LPCAT1: variants seen among roughly 807,000 people sequenced by gnomAD.
LPCAT1 encodes lysophosphatidylcholine acyltransferase 1.
In LPCAT1, 23 loss-of-function variants were observed where a neutral mutation model predicts 60.9. That is an observed-to-expected ratio of 0.38 (90% CI 0.27 to 0.53). The LOEUF (loss-of-function observed/expected upper bound fraction) is 0.53. Ranked by LOEUF, LPCAT1 falls within the 20% of genes least tolerant of loss-of-function variation. The pLI is 0.82. For missense variants in LPCAT1, 622 were observed against 723.6 expected (o/e 0.86, Z 1.61); for synonymous variants, 340 against 301.1 (o/e 1.13, Z -1.34).
Position 1,495,048 on chromosome 5 carries a change from T to C in LPCAT1, c.279-134A>G. 1.3e-6 allele frequency: 1 copy of C among 750,774 alleles called. No individual in the cohort carries two copies. Among genetic ancestry groups the C allele is most frequent in the South Asian group, 1.9e-5 (1 of 53,938 alleles). 46.5% of individuals were successfully genotyped at this position (750,774 alleles called of 1,614,324 possible). On this transcript the variant is annotated intron_variant, in intron 2 of 13. Transcript: ENST00000283415. The surrounding 1 kb of genome is among the most constrained non-coding windows in gnomAD (Gnocchi z 4.7). ...ACGGGCTTCCTGTGGTCGCCGCCGC[T>C]GGGACATCTGCTTGAGGGAAGAAAA...
chr5:1,480,137 C>T lies in LPCAT1; in HGVS notation c.762-462G>A, dbSNP rs1735076694. ...TTGGAGCTGCTCCCAGGGCCACACT[C>T]ACGCCTCCGACAGCCCAGTGCCCCA... On this transcript the variant is annotated intron_variant, in intron 7 of 13. Transcript: ENST00000283415. This position sits in a 1 kb window ranked among gnomAD's most constrained non-coding sequence, Gnocchi z 6.4. Among the ~76,000 whole-genome samples the T allele has an allele frequency of 1.3e-5, 2 of 151,930 alleles. No homozygotes were observed. Among genetic ancestry groups the T allele is most frequent in the Admixed American group, 6.5e-5 (1 of 15,272 alleles).
In LPCAT1 at chr5:1,501,442, C is replaced by A. The variant is rs768755815; in HGVS notation, c.278+19G>T. ...GTGACCCCCCCCCAGGAGGAGAGCACGGCACACGCGCAACTTACTTCCTCC... is the reference window on the plus strand; with the variant it reads ...GTGACCCCCCCCCAGGAGGAGAGCAAGGCACACGCGCAACTTACTTCCTCC... On this transcript the variant is annotated intron_variant, in intron 2 of 13. Transcript: ENST00000283415. 3 of 1,597,036 alleles carry A rather than the reference C, an allele frequency of 1.9e-6. No individual in the cohort carries two copies. The Admixed American group carries it at 5.2e-5, about 28-fold the overall frequency.
chr5:1,498,900 T>C (rs1200760768), intron 2 of LPCAT1, among the ~76,000 whole-genome samples: 1 of 151,968 alleles, frequency 6.6e-6, no homozygotes, highest in Non-Finnish European at 1.5e-5. Context: ...TGCACATACA[T>C]ATGTATGCAC....
chr5:1,503,298 C>T (rs1032931339), intron 1 of LPCAT1, among the ~76,000 whole-genome samples: 3 of 152,242 alleles, frequency 2.0e-5, no homozygotes, highest in African/African-American at 7.2e-5. Context: ...TGTTCCACAT[C>T]GTGTTACTGG....
At chr5:1,470,946 G>A (rs1283915129) in intron 11 of LPCAT1, 22 bp from the exon 12 acceptor site, 3 of 1,604,556 alleles carry the variant, frequency 1.9e-6, no homozygotes, top group African/African-American at 2.7e-5. Flanking sequence ...GACGCTCTCA[G>A]CCACAGCTCG....
chr5:1,492,104 T>C (rs928395679), intron 3 of LPCAT1, among the ~76,000 whole-genome samples: 7 of 148,704 alleles, frequency 4.7e-5, no homozygotes, highest in African/African-American at 1.8e-4. Context: ...ACCAGGGAGA[T>C]GTCTCTGAGC....
intron 9 of LPCAT1, among the ~76,000 whole-genome samples, chr5:1,475,667 C>T (rs923061668): frequency 1.3e-5 from 2 of 152,238 alleles, no homozygotes; most frequent in Admixed American, 6.5e-5. Context: ...GGACCCACTA[C>T]GGGAGTGGGA....
chr5:1,464,592 CAT>C (rs528553643), intron 13 of LPCAT1, among the ~76,000 whole-genome samples: 20 of 152,094 alleles, frequency 1.3e-4, no homozygotes, highest in East Asian at 1.2e-3. Flanking sequence ...ACCAAACACA[CAT>C]GTGCGCACAC....
At chr5:1,492,408 A>T (rs1735623021) in intron 3 of LPCAT1, among the ~76,000 whole-genome samples, 1 of 152,178 alleles carries the variant, frequency 6.6e-6, no homozygotes, top group Admixed American at 6.5e-5. Flanking sequence ...TGAGCTCCCG[A>T]ATCAGAGGGT....
chr5:1,512,359 A>G (rs1736381594), intron 1 of LPCAT1, among the ~76,000 whole-genome samples: 1 of 152,190 alleles, frequency 6.6e-6, no homozygotes, highest in African/African-American at 2.4e-5. Context: ...TCACAGGGTC[A>G]CAAGGCCCCG....
chr5:1,518,486 A>G (rs2962058), intron 1 of LPCAT1, among the ~76,000 whole-genome samples: 85,334 of 152,048 alleles, frequency 0.56, 25,186 homozygotes, highest in African/African-American at 0.77. Context: ...GACTGCAGGC[A>G]CCTGCCATGA....
intron 5 of LPCAT1, 162 bp downstream of exon 5, chr5:1,488,229 C>T: frequency 1.8e-6 from 1 of 540,686 alleles, no homozygotes. Context: ...CTCACATTCT[C>T]AAATTTATTT....
intron 1 of LPCAT1, among the ~76,000 whole-genome samples, chr5:1,509,475 A>G (rs887919984): frequency 2.0e-5 from 3 of 152,184 alleles, no homozygotes; most frequent in African/African-American, 7.2e-5. Flanking sequence ...CTTTTAGAGA[A>G]AGAACAACTT....
At chr5:1,479,190 G>A (rs1464468536) in intron 8 of LPCAT1, among the ~76,000 whole-genome samples, 3 of 152,196 alleles carry the variant, frequency 2.0e-5, no homozygotes, top group African/African-American at 7.2e-5. Flanking sequence ...GAGCCCAGGA[G>A]TTTGAGACCA....
Position 1,523,295 on chromosome 5 carries a change from G to A in LPCAT1, c.135+415C>T, listed in dbSNP as rs1736729527. On this transcript the variant is annotated intron_variant, in intron 1 of 13. Transcript: ENST00000283415. This position sits in a 1 kb window ranked among gnomAD's most constrained non-coding sequence, Gnocchi z 7.1. The stretch of plus-strand genomic sequence containing the variant: ...CGCGCAGGGCCTGCCAAGGCGGGCG[G>A]GGCCCGGACCAGGGACGAGCGCGGG... 2.6e-5 allele frequency among the ~76,000 whole-genome samples: 4 copies of A among 151,968 alleles called. No individual in the cohort carries two copies. The highest frequency in any genetic ancestry group is 1.3e-4 in the Admixed American group (2 of 15,258).
chr5:1,490,852 C>T (rs766114866), intron 3 of LPCAT1, among the ~76,000 whole-genome samples: 2 of 152,124 alleles, frequency 1.3e-5, no homozygotes, highest in African/African-American at 4.8e-5. Flanking sequence ...TTTTTGAGGA[C>T]GGTGAGCAGG....
At chr5:1,499,204 G>A (rs898368861) in intron 2 of LPCAT1, among the ~76,000 whole-genome samples, 7 of 152,350 alleles carry the variant, frequency 4.6e-5, no homozygotes, top group South Asian at 4.1e-4. Context: ...ATGGGGAAAC[G>A]GAAAATTGCC....
rs142754135 is a variant in LPCAT1, at chr5:1,507,738, C to G, written c.136-6135G>C. Among the ~76,000 whole-genome samples the G allele has an allele frequency of 9.8e-4, 149 of 152,344 alleles. 1 individual carries two copies. Among genetic ancestry groups the G allele is most frequent in the African/African-American group, 3.5e-3 (145 of 41,578 alleles). On this transcript the variant is annotated intron_variant, in intron 1 of 13. Coordinates refer to ENST00000283415, the MANE Select transcript of LPCAT1 (RefSeq NM_024830.5). ...TCGAGGCCTACCCAGCTCACACTCA[C>G]GTGACAGGGATCCAGCAACAGCCAA...
intron 1 of LPCAT1, among the ~76,000 whole-genome samples, chr5:1,519,117 A>T (rs1416168118): frequency 6.6e-6 from 1 of 152,274 alleles, no homozygotes; most frequent in Admixed American, 6.5e-5. Flanking sequence ...TCTCACGATG[A>T]AACAGGAGTG....
Sources: gnomAD v4.1 joint callset for allele counts (sites outside exome capture counted in the v4.1 genomes callset) on GRCh38, gnomAD v4.1.1 for gene constraint, Gnocchi (gnomAD v3.1) non-coding constraint, MANE v1.5 for transcripts, NCBI Gene and HGNC (gene_info 2026-07-23, HGNC 2026-07-21) for gene names.